The following NPM1 variants were observed in gnomAD, a reference collection of about 807,000 sequenced individuals.
NPM1 encodes nucleophosmin.
A neutral mutation model predicts 44.1 loss-of-function variants in NPM1; 1 was observed. The observed-to-expected ratio is 0.02, with a 90% confidence interval of 0.01 to 0.11. The LOEUF is 0.11. Among genes scored for constraint, NPM1 ranks in the 10% least tolerant of loss-of-function variants. The pLI, the probability that NPM1 is intolerant of heterozygous loss-of-function variation, is 1.00. For missense variants in NPM1, 197 were observed against 347.8 expected, an observed-to-expected ratio of 0.57 and a Z score of 3.45; for synonymous variants, 126 against 111.8, an observed-to-expected ratio of 1.13 and a Z score of -0.80.
intron 2 of NPM1, 53 bp from the exon 3 acceptor site, chr5:171,391,252 T>C: frequency 6.3e-7 from 1 of 1,585,934 alleles, no homozygotes; most frequent in Non-Finnish European, 8.6e-7. Flanking sequence ...AGTGGGGGGG[T>C]GTAAAATAGG....
intron 9 of NPM1, 192 bp from the exon 10 acceptor site, chr5:171,407,508 A>T: frequency 1.7e-6 from 1 of 582,460 alleles, no homozygotes; most frequent in Non-Finnish European, 3.0e-6. Context: ...ATCTGTTTGA[A>T]TAGAGATACT....
chr5:171,398,569 G>A (rs986939657), intron 6 of NPM1, among the ~76,000 whole-genome samples: 1 of 152,102 alleles, frequency 6.6e-6, no homozygotes, highest in African/African-American at 2.4e-5. Flanking sequence ...CCAGGAGATT[G>A]AGACTATCCT....
chr5:171,395,925 C>CT (rs1329092546), intron 6 of NPM1, among the ~76,000 whole-genome samples: 1 of 147,558 alleles, frequency 6.8e-6, no homozygotes, highest in Non-Finnish European at 1.5e-5. Context: ...CCTTAAATGT[C>CT]TTTTTTAATT....
In NPM1 at chr5:171,392,949, C is replaced by T. The variant is rs146936311; in HGVS notation, c.495C>T (p.Asp165=). Residue 165 remains aspartate (D), a synonymous_variant, in exon 6 of 11, where the codon GAC becomes GAT. Transcript: ENST00000296930. ...AACTTGCTGCTGATGAAGATGATGA[C>T]GATGATGATGAAGAGGATGATGATG... is the stretch of plus-strand genomic sequence containing the variant. The part of the protein sequence containing the change: ...KVKLAADEDD[D]DDDEEDDDED... 1,020 of 1,607,674 alleles carry T rather than the reference C, an allele frequency of 6.3e-4. 9 individuals are homozygous for T. In the African/African-American group the frequency reaches 0.012, roughly 19 times the overall value.
rs527378561 is a variant in NPM1 at position 171,400,919 on chromosome 5, A to G, written c.663A>G (p.Arg221=). The G allele has an allele frequency of 2.5e-6, 4 of 1,608,752 alleles. No homozygotes were observed. In the South Asian group the frequency reaches 4.4e-5, roughly 18 times the overall value. Residue 221 remains arginine, a synonymous_variant, in exon 8 of 11, where the codon AGA becomes AGG. Transcript: ENST00000296930. The part of the protein sequence containing the change: ...GKDSKPSSTP[R]SKGQESFKKQ... ...ACTCAAAACCATCATCAACACCAAG[A>G]TCAAAAGTAAGTGGCTACATTTACA...
At chr5:171,400,765 A>G in intron 7 of NPM1, 74 bp from the exon 8 acceptor site, 1 of 983,186 alleles carries the variant, frequency 1.0e-6, no homozygotes, top group South Asian at 1.3e-5. Context: ...TGCTTGTCTT[A>G]CATGGCTTGG....
chr5:171,388,789 C>G (rs147612492), intron 1 of NPM1, among the ~76,000 whole-genome samples: 5 of 152,346 alleles, frequency 3.3e-5, no homozygotes, highest in African/African-American at 1.2e-4. Context: ...CCTTTTCTGT[C>G]TCACTGCGGT....
At chr5:171,395,248 A>G (rs893094074) in intron 6 of NPM1, among the ~76,000 whole-genome samples, 1 of 152,082 alleles carries the variant, frequency 6.6e-6, no homozygotes, top group African/African-American at 2.4e-5. Context: ...TTGGGCATTG[A>G]TAGGAATGAA....
At chr5:171,391,879 A>T in intron 4 of NPM1, 80 bp downstream of exon 4, 7 of 762,164 alleles carry the variant, frequency 9.2e-6, no homozygotes, top group South Asian at 1.5e-5. Flanking sequence ...GACTTAAAGC[A>T]TGGGTATAGT....
rs751882247 is a variant in NPM1, at chr5:171,392,760, C to T, written c.403C>T (p.Leu135Phe). ...SEDEEEEDVK[L>F]LSISGKRSAP... is the part of the protein sequence containing the mutation. The stretch of plus-strand genomic sequence containing the variant: ...AGATGAAGAGGAGGAGGATGTGAAA[C>T]TCTTAAGTATATCTGGAAAGCGGTC... The change falls in exon 5 of 11, where the codon CTC becomes TTC. Residue 135 changes from leucine to phenylalanine, a missense_variant. Around this residue, in one of 5 missense-constraint regions of NPM1, gnomAD observed 91 missense variants for 94.0 expected, o/e 0.97. Transcript: ENST00000296930. 3.7e-6 allele frequency: 6 copies of T among 1,613,500 alleles called. No homozygotes were observed. The highest frequency in any genetic ancestry group is 1.3e-5 in the African/African-American group (1 of 74,818).
chr5:171,404,729 G>C (rs139156675), intron 8 of NPM1, among the ~76,000 whole-genome samples: 1 of 144,172 alleles, frequency 6.9e-6, no homozygotes, highest in Non-Finnish European at 1.5e-5. Context: ...CTTCCCAGAC[G>C]GGGTGGCGGC....
intron 10 of NPM1, among the ~76,000 whole-genome samples, chr5:171,409,101 TGC>T: frequency 6.6e-6 from 1 of 152,324 alleles, no homozygotes; most frequent in East Asian, 1.9e-4. Context: ...CGAGCCACCT[TGC>T]CCAGCCTACC....
upstream of NPM1, chr5:171,387,180 A>G (rs2113134698): frequency 6.6e-6 from 1 of 152,226 alleles, no homozygotes; most frequent in East Asian, 1.9e-4. Flanking sequence ...TTACGTAAAG[A>G]TAAGGACTTT....
chr5:171,405,668 T>A (rs892609542), intron 9 of NPM1: 11 of 408,206 alleles, frequency 2.7e-5, no homozygotes, highest in Non-Finnish European at 3.9e-5. Context: ...ATTCTGACCT[T>A]CCATGTTAAA....
chr5:171,391,945 A>T, intron 4 of NPM1, 146 bp downstream of exon 4: 3 of 450,140 alleles, frequency 6.7e-6, no homozygotes, highest in Non-Finnish European at 1.2e-5. Context: ...GAGGACAAAT[A>T]AATTTTTGGG....
intron 6 of NPM1, among the ~76,000 whole-genome samples, chr5:171,399,876 TAATG>T (rs1399166851): frequency 9.9e-5 from 15 of 152,242 alleles, no homozygotes; most frequent in Admixed American, 9.8e-4. Flanking sequence ...TTTAGATACT[TAATG>T]AATAGAATCA....
chr5:171,395,603 G>A (rs928803052), intron 6 of NPM1, among the ~76,000 whole-genome samples: 4 of 152,160 alleles, frequency 2.6e-5, no homozygotes, highest in African/African-American at 9.7e-5. Flanking sequence ...GTGTACTAAG[G>A]TCTGCATAGT....
At chr5:171,402,850 G>A (rs1771287104) in intron 8 of NPM1, among the ~76,000 whole-genome samples, 1 of 146,594 alleles carries the variant, frequency 6.8e-6, no homozygotes, top group African/African-American at 2.5e-5. Flanking sequence ...TGCCATGATT[G>A]TAAATTTCCT....
At chr5:171,402,949 G>C (rs1212439538) in intron 8 of NPM1, among the ~76,000 whole-genome samples, 2 of 61,196 alleles carry the variant, frequency 3.3e-5, no homozygotes, top group South Asian at 1.1e-3. Flanking sequence ...ATCTCAGGTA[G>C]TTCTTTTTTT....
Sources: gnomAD v4.1 joint callset for allele counts (sites outside exome capture counted in the v4.1 genomes callset) on GRCh38, gnomAD v4.1.1 for gene constraint, gnomAD v4.1.1 regional missense constraint, MANE v1.5 for transcripts, NCBI Gene and HGNC (gene_info 2026-07-23, HGNC 2026-07-21) for gene names.